The following STK32B variants were observed in gnomAD, a reference collection of about 807,000 sequenced individuals.
The protein encoded by STK32B is serine/threonine-protein kinase 32B.
Under a neutral mutation model 52.6 loss-of-function variants are expected in STK32B, and 43 were observed. That is an observed-to-expected ratio of 0.82 (90% CI 0.64 to 1.05). The LOEUF is 1.05. STK32B is among the 50% of genes least tolerant of loss of function. The pLI is 0.00. For missense variants in STK32B, 621 were observed against 534.6 expected (o/e 1.16, Z -1.59); for synonymous variants, 238 against 204.3 (o/e 1.17, Z -1.41).
chr4:5,246,648 T>C (rs564188712), intron 3 of STK32B, among the ~76,000 whole-genome samples: 1 of 152,320 alleles, frequency 6.6e-6, no homozygotes, highest in East Asian at 1.9e-4. Context: ...GGAGAGGTGC[T>C]CTGATTTTTA....
intron 3 of STK32B, among the ~76,000 whole-genome samples, chr4:5,217,472 G>A (rs1723250135): frequency 6.6e-6 from 1 of 152,112 alleles, no homozygotes; most frequent in Non-Finnish European, 1.5e-5. Context: ...TCCCCTTTTA[G>A]CTCATTAGCA....
At chr4:5,463,036 C>T (rs539140255) in intron 9 of STK32B, among the ~76,000 whole-genome samples, 2 of 152,350 alleles carry the variant, frequency 1.3e-5, no homozygotes, top group East Asian at 3.9e-4. Context: ...CCTAGTTCTT[C>T]ACAGATCCGA....
At chr4:5,234,253 G>T (rs1724472523) in intron 3 of STK32B, among the ~76,000 whole-genome samples, 1 of 152,184 alleles carries the variant, frequency 6.6e-6, no homozygotes, top group African/African-American at 2.4e-5. Context: ...TACTCTTACT[G>T]TTCTTGTTTT....
intron 3 of STK32B, among the ~76,000 whole-genome samples, chr4:5,203,427 T>C (rs1052695710): frequency 2.0e-5 from 3 of 152,112 alleles, no homozygotes; most frequent in Non-Finnish European, 4.4e-5. Flanking sequence ...CTCCTTTACA[T>C]GTCTCTTTTT....
At chr4:5,408,589 C>G (rs527358048) in intron 5 of STK32B, among the ~76,000 whole-genome samples, 1 of 152,088 alleles carries the variant, frequency 6.6e-6, no homozygotes, top group Non-Finnish European at 1.5e-5. Context: ...ACTAATGCAC[C>G]CTCCTCGTGG....
intron 1 of STK32B, chr4:5,127,266 C>T (rs1416600667): frequency 2.4e-6 from 1 of 422,310 alleles, no homozygotes; most frequent in Non-Finnish European, 4.8e-6. Context: ...ATATTAACCA[C>T]ATTAAGTACT....
intron 3 of STK32B, among the ~76,000 whole-genome samples, chr4:5,263,751 C>A (rs1726877941): frequency 6.6e-6 from 1 of 152,304 alleles, no homozygotes; most frequent in Admixed American, 6.5e-5. Flanking sequence ...GACAAAGGTA[C>A]TCTTATAACT....
chr4:5,306,933 A>T (rs190590004), intron 3 of STK32B, among the ~76,000 whole-genome samples: 2 of 152,096 alleles, frequency 1.3e-5, no homozygotes, highest in East Asian at 3.9e-4. Flanking sequence ...TTGGCTGAAA[A>T]CTGTTTTGTT....
intron 3 of STK32B, among the ~76,000 whole-genome samples, chr4:5,197,066 CA>C (rs1489688549): frequency 1.3e-5 from 2 of 152,142 alleles, no homozygotes; most frequent in Non-Finnish European, 2.9e-5. Context: ...TCTTTGGGCC[CA>C]AGAGCTGTAC....
intron 11 of STK32B, among the ~76,000 whole-genome samples, chr4:5,481,526 C>G (rs959613562): frequency 1.3e-5 from 2 of 152,014 alleles, no homozygotes; most frequent in Non-Finnish European, 2.9e-5. Flanking sequence ...TTCTCCCATT[C>G]TCTAGGTTGC....
At chr4:5,419,879 GAATA>G (rs1712478057) in intron 6 of STK32B, among the ~76,000 whole-genome samples, 1 of 152,112 alleles carries the variant, frequency 6.6e-6, no homozygotes, top group African/African-American at 2.4e-5. Flanking sequence ...TAAATAAATA[GAATA>G]AATGAAGTTT....
At chr4:5,117,803 TATTTTAGATCATATA>T (rs1473008102) in intron 1 of STK32B, among the ~76,000 whole-genome samples, 4 of 152,206 alleles carry the variant, frequency 2.6e-5, no homozygotes, top group African/African-American at 9.6e-5. Flanking sequence ...TTTCTTCTGA[TATTTTAGATCATATA>T]ATTTTATTCT....
chr4:5,349,468 A>G (rs1024309366), intron 4 of STK32B, among the ~76,000 whole-genome samples: 2 of 152,146 alleles, frequency 1.3e-5, no homozygotes, highest in African/African-American at 4.8e-5. Flanking sequence ...AACACAATAT[A>G]CACATCTTTA....
At position 5,173,020 on chromosome 4, in the gene STK32B, T is replaced by G. The variant is rs534088814; in HGVS notation, c.260+4570T>G. ...TTGGTCTATTCAGAGATTCAAATTC[T>G]TCTTGATTTAGTCTTGGGAGAGTGT... is the stretch of plus-strand genomic sequence containing the variant. On this transcript the variant is annotated intron_variant, in intron 3 of 11. Transcript: ENST00000282908. Among the ~76,000 whole-genome samples the G allele has an allele frequency of 8.5e-5, 13 of 152,366 alleles. No individual in the cohort carries two copies. The South Asian group carries it at 2.3e-3, about 27-fold the overall frequency.
At position 5,417,628 on chromosome 4, in the gene STK32B, C is replaced by T. The variant is rs73095723; in HGVS notation, c.562+694C>T. ...ATTTCTTTCTCCCTAAGTTCTCCCA[C>T]CTGATTTCTGAGTTTTTTATTCTAA... On this transcript the variant is annotated intron_variant, in intron 6 of 11. Coordinates refer to ENST00000282908, the MANE Select transcript of STK32B (RefSeq NM_018401.3). Among the ~76,000 whole-genome samples the T allele has an allele frequency of 9.5e-3, 1,444 of 152,214 alleles. 22 individuals carry two copies. Among genetic ancestry groups the T allele is most frequent in the African/African-American group, 0.033 (1,366 of 41,524 alleles).
intron 3 of STK32B, among the ~76,000 whole-genome samples, chr4:5,245,019 G>C (rs1180009166): frequency 1.3e-5 from 2 of 152,066 alleles, no homozygotes; most frequent in African/African-American, 4.8e-5. Context: ...TTTTGGAATA[G>C]GTGTGGTGCT....
At chr4:5,141,814 A>AC (rs968750914) in intron 2 of STK32B, among the ~76,000 whole-genome samples, 49 of 151,672 alleles carry the variant, frequency 3.2e-4, no homozygotes, top group African/African-American at 1.2e-3. Flanking sequence ...CTTTTCACCC[A>AC]CCCCCTCCAC....
At position 5,386,946 on chromosome 4, in the gene STK32B, C is replaced by T. The variant is rs151302508; in HGVS notation, c.435-11261C>T. Among the ~76,000 whole-genome samples, 7 of 152,178 alleles carry T rather than the reference C, an allele frequency of 4.6e-5. No homozygotes were observed. The highest frequency in any genetic ancestry group is 2.6e-4 in the Admixed American group (4 of 15,290). On this transcript the variant is annotated intron_variant, in intron 4 of 11. Transcript: ENST00000282908. This position sits in a 1 kb window ranked among gnomAD's most constrained non-coding sequence, Gnocchi z 4.5. ...CGTCTTCACAGAAATAGGAAGCTCT[C>T]GAAGAGTCGCAGCATCTCACAGGCC... is the stretch of plus-strand genomic sequence containing the variant.
chr4:5,407,828 C>T (rs1337919341), intron 5 of STK32B, among the ~76,000 whole-genome samples: 3 of 152,120 alleles, frequency 2.0e-5, no homozygotes, highest in Non-Finnish European at 2.9e-5. Context: ...CTGATGATTA[C>T]AATCAGACAT....
Sources: allele counts gnomAD v4.1 joint callset (sites outside exome capture counted in the v4.1 genomes callset), GRCh38; gene constraint gnomAD v4.1.1; non-coding constraint Gnocchi (gnomAD v3.1); transcripts MANE v1.5; gene names NCBI Gene and HGNC (gene_info 2026-07-23, HGNC 2026-07-21).